Variants in PCDHA10 observed in about 807,000 individuals in gnomAD.
The protein encoded by PCDHA10 is protocadherin alpha-10.
Under a neutral mutation model 61.2 loss-of-function variants are expected in PCDHA10, and 45 were observed. The ratio of observed to expected loss-of-function variants is 0.74; its 90% CI spans 0.58 to 0.94. The LOEUF is 0.94. PCDHA10 is among the 40% of genes least tolerant of loss of function. PCDHA10 has a pLI of 0.00. For synonymous variants in PCDHA10, 602 were observed against 548.8 expected (o/e 1.10, Z -1.35); for missense variants, 1,278 against 1,236.2 (o/e 1.03, Z -0.51).
chr5:140,987,120 A>G (rs1224513029), intron 3 of PCDHA10, among the ~76,000 whole-genome samples: 9 of 151,956 alleles, frequency 5.9e-5, no homozygotes, highest in African/African-American at 2.2e-4. Context: ...AGGCTGAGGC[A>G]GGAGAATTGC....
intron 1 of PCDHA10, among the ~76,000 whole-genome samples, chr5:140,887,104 T>G (rs1554182871): frequency 6.6e-6 from 1 of 151,604 alleles, no homozygotes; most frequent in Admixed American, 6.6e-5. Flanking sequence ...TTTATCTCTT[T>G]TTTTTTTTTT....
At chr5:140,981,380 C>T (rs2096929731) in intron 2 of PCDHA10, among the ~76,000 whole-genome samples, 1 of 152,054 alleles carries the variant, frequency 6.6e-6, no homozygotes, top group Non-Finnish European at 1.5e-5. Flanking sequence ...TCAAGACCAG[C>T]CTGGTCAATA....
At chr5:140,934,988 C>A (rs901740982) in intron 1 of PCDHA10, among the ~76,000 whole-genome samples, 5 of 152,154 alleles carry the variant, frequency 3.3e-5, no homozygotes, top group Non-Finnish European at 7.4e-5. Context: ...AGTGATAACA[C>A]CCTGAATCCT....
chr5:140,927,967 AT>A, intron 1 of PCDHA10: 1 of 1,614,172 alleles, frequency 6.2e-7, no homozygotes, highest in Non-Finnish European at 8.5e-7. Context: ...TGGCACAGTG[AT>A]TGCTCTCTTT....
intron 1 of PCDHA10, among the ~76,000 whole-genome samples, chr5:140,912,783 A>G (rs1287611610): frequency 6.6e-6 from 1 of 152,166 alleles, no homozygotes; most frequent in African/African-American, 2.4e-5. Context: ...TGTCCCTTCT[A>G]TGCCAATTTT....
At chr5:140,924,480 T>C (rs2081865040) in intron 1 of PCDHA10, among the ~76,000 whole-genome samples, 1 of 152,178 alleles carries the variant, frequency 6.6e-6, no homozygotes, top group Non-Finnish European at 1.5e-5. Flanking sequence ...TGGTTTTTAG[T>C]GGAACACTGG....
chr5:140,967,774 G>C (rs1447955993), intron 1 of PCDHA10: 3 of 1,614,106 alleles, frequency 1.9e-6, no homozygotes, highest in Non-Finnish European at 1.7e-6. Context: ...TCTATGTGCA[G>C]GCGACTGACC....
chr5:140,861,449 C>A (rs1448075777), intron 1 of PCDHA10: 11 of 493,904 alleles, frequency 2.2e-5, no homozygotes, highest in Admixed American at 1.0e-4. Flanking sequence ...GCCGCAGAAA[C>A]CTTCTGGAGG....
At chr5:140,902,301 G>A (rs943083254) in intron 1 of PCDHA10, among the ~76,000 whole-genome samples, 1 of 149,570 alleles carries the variant, frequency 6.7e-6, no homozygotes, top group African/African-American at 2.5e-5. Context: ...GCCTCCCAAA[G>A]TGCTGGGATT....
chr5:140,886,705 A>T (rs1293719338), intron 1 of PCDHA10, among the ~76,000 whole-genome samples: 3 of 152,058 alleles, frequency 2.0e-5, no homozygotes, highest in Non-Finnish European at 2.9e-5. Flanking sequence ...ACGCGCCTGT[A>T]ATCCCAGCTA....
At chr5:140,883,211 T>C in intron 1 of PCDHA10, 1 of 1,613,738 alleles carries the variant, frequency 6.2e-7, no homozygotes, top group Non-Finnish European at 8.5e-7. Context: ...AGAAAAGAAA[T>C]TATATGAAAT....
At chr5:141,001,303 A>G (rs2098006866) in intron 3 of PCDHA10, among the ~76,000 whole-genome samples, 2 of 152,182 alleles carry the variant, frequency 1.3e-5, no homozygotes, top group Admixed American at 1.3e-4. Context: ...GCCCAGAGAT[A>G]TGAAATAATT....
intron 1 of PCDHA10, chr5:140,967,158 T>G (rs1586192830): frequency 6.2e-7 from 1 of 1,610,448 alleles, no homozygotes. Context: ...CCCGTGGCGG[T>G]GAGCGCCGTT....
In PCDHA10 at chr5:141,000,421, A is replaced by ATTTTT. The variant is rs34755515; in HGVS notation, c.2537-9187_2537-9183dup. Among the ~76,000 whole-genome samples, 110 of 27,976 alleles carry ATTTTT rather than the reference A, an allele frequency of 3.9e-3. 3 individuals carry two copies. Among genetic ancestry groups the ATTTTT allele is most frequent in the Non-Finnish European group, 5.0e-3 (89 of 17,656 alleles). The allele number at this position is 27,976 out of a possible 152,430, so 18.4% of individuals were successfully genotyped here. ...TATATATATATATATATATATATATATTTTTTTTTTTTTTTTTTTTTTTGA... is the reference window on the plus strand; with the variant it reads ...TATATATATATATATATATATATATATTTTTTTTTTTTTTTTTTTTTTTTTTTTGA... On this transcript the variant is annotated intron_variant, in intron 3 of 3. Coordinates refer to ENST00000307360, the MANE Select transcript of PCDHA10 (RefSeq NM_018901.4).
chr5:140,999,764 T>G (rs1587850651), intron 3 of PCDHA10, among the ~76,000 whole-genome samples: 1 of 152,284 alleles, frequency 6.6e-6, no homozygotes, highest in East Asian at 1.9e-4. Flanking sequence ...CATGATGTCT[T>G]TATACTCTTA....
In PCDHA10 at chr5:140,927,786, A is replaced by G. The variant is rs782728309; in HGVS notation, c.2389-51163A>G. 11 of 1,614,074 alleles carry G rather than the reference A, an allele frequency of 6.8e-6. No homozygotes were observed. The East Asian group carries it at 2.0e-4, about 29-fold the overall frequency. On this transcript the variant is annotated intron_variant, in intron 1 of 3. Transcript: ENST00000307360. ...GTGGGGAGGTGCAAGTAGCTGCTTC[A>G]CTAGGTCCGCCTGAAACGCTCTTGG...
intron 1 of PCDHA10, among the ~76,000 whole-genome samples, chr5:140,912,160 C>T (rs1208125180): frequency 6.6e-6 from 1 of 152,134 alleles, no homozygotes. Context: ...TGTTTTTATT[C>T]TGGCTGTGCT....
chr5:140,882,286 A>G lies in PCDHA10; in HGVS notation c.2388+23850A>G, dbSNP rs13357748. The G allele has an allele frequency of 8.5e-4, 1,378 of 1,613,102 alleles. 12 individuals are homozygous for G. In the African/African-American group the frequency reaches 0.015, roughly 17 times the overall value. Reference sequence around the variant, plus strand: ...AGTGTACCATGCTGTCTTCCTGGCAAGGAGGCCCAAGACCGCGGCAACTAC... The same window carrying G: ...AGTGTACCATGCTGTCTTCCTGGCAGGGAGGCCCAAGACCGCGGCAACTAC... On this transcript the variant is annotated intron_variant, in intron 1 of 3. Transcript: ENST00000307360.
chr5:141,006,405 C>T (rs782532612), intron 3 of PCDHA10, among the ~76,000 whole-genome samples: 28 of 151,916 alleles, frequency 1.8e-4, no homozygotes, highest in Middle Eastern at 6.8e-3. Context: ...AGTAGAGACG[C>T]GGTTTCACTG....
Sources: gnomAD v4.1 joint callset for allele counts (sites outside exome capture counted in the v4.1 genomes callset) on GRCh38, gnomAD v4.1.1 for gene constraint, MANE v1.5 for transcripts, NCBI Gene and HGNC (gene_info 2026-07-23, HGNC 2026-07-21) for gene names.